The following NTM variants were observed in gnomAD, a reference collection of about 807,000 sequenced individuals.
NTM encodes IgLON family member 2.
Under a neutral mutation model 42.1 loss-of-function variants are expected in NTM, and 13 were observed. The observed-to-expected ratio is 0.31, with a 90% CI of 0.20 to 0.49. NTM has a LOEUF of 0.49. Ranked by LOEUF, NTM falls within the 20% of genes least tolerant of loss-of-function variation. The pLI is 0.99. For missense variants in NTM, 373 were observed against 452.8 expected, an observed-to-expected ratio of 0.82 and a Z score of 1.60; for synonymous variants, 187 against 179.2, an observed-to-expected ratio of 1.04 and a Z score of -0.35.
At chr11:131,897,850 A>G (rs2052551685) in intron 1 of NTM, among the ~76,000 whole-genome samples, 1 of 152,226 alleles carries the variant, frequency 6.6e-6, no homozygotes, top group African/African-American at 2.4e-5. Context: ...AAAGATATTA[A>G]AGGTTAACAG....
intron 2 of NTM, among the ~76,000 whole-genome samples, chr11:132,124,759 C>T (rs4936154): frequency 0.59 from 90,308 of 152,084 alleles, 27,103 homozygotes; most frequent in African/African-American, 0.63. Context: ...GGAGGATTGC[C>T]TGAGTCCAGG....
At chr11:132,080,636 G>A (rs1594444991) in intron 2 of NTM, among the ~76,000 whole-genome samples, 1 of 152,184 alleles carries the variant, frequency 6.6e-6, no homozygotes, top group East Asian at 1.9e-4. Flanking sequence ...GCTCTGGGAA[G>A]CCCTTTAAGC....
At chr11:131,419,949 T>G (rs894597275) in intron 1 of NTM, among the ~76,000 whole-genome samples, 3 of 152,156 alleles carry the variant, frequency 2.0e-5, no homozygotes, top group African/African-American at 7.2e-5. Context: ...AGGATTCTGC[T>G]AGGCAGCCAT....
intron 3 of NTM, among the ~76,000 whole-genome samples, chr11:132,158,787 C>A (rs946272318): frequency 2.6e-5 from 4 of 152,172 alleles, no homozygotes; most frequent in Non-Finnish European, 5.9e-5. Flanking sequence ...AGGTGACATT[C>A]AGCTGAGTTT....
chr11:131,374,677 G>A (rs1391050521), intron 1 of NTM, among the ~76,000 whole-genome samples: 1 of 152,152 alleles, frequency 6.6e-6, no homozygotes. Flanking sequence ...CGTACTGTCT[G>A]CCAGGCTGAT....
chr11:131,832,197 A>G (rs1313444944), intron 1 of NTM, among the ~76,000 whole-genome samples: 4 of 151,838 alleles, frequency 2.6e-5, no homozygotes, highest in South Asian at 2.1e-4. Context: ...GAGAAAAAAA[A>G]AAAAAACAGA....
chr11:131,980,655 G>A (rs774318930), intron 2 of NTM, among the ~76,000 whole-genome samples: 3 of 152,166 alleles, frequency 2.0e-5, no homozygotes, highest in Non-Finnish European at 4.4e-5. Context: ...TCATTCATAA[G>A]CATTTATTGA....
At chr11:131,398,477 T>G (rs1944792708) in intron 1 of NTM, among the ~76,000 whole-genome samples, 1 of 152,200 alleles carries the variant, frequency 6.6e-6, no homozygotes, top group Admixed American at 6.5e-5. Context: ...ATATCTCATT[T>G]TTTTCTTTTA....
At chr11:131,715,306 G>C (rs2077576305) in intron 1 of NTM, among the ~76,000 whole-genome samples, 1 of 152,148 alleles carries the variant, frequency 6.6e-6, no homozygotes, top group Non-Finnish European at 1.5e-5. Flanking sequence ...CTTGTGTAAT[G>C]AGTCCAGCAA....
intron 1 of NTM, among the ~76,000 whole-genome samples, chr11:131,394,214 A>C (rs996787642): frequency 1.3e-5 from 2 of 152,100 alleles, no homozygotes; most frequent in Non-Finnish European, 2.9e-5. Context: ...TCCCAGCTTG[A>C]AGCTTCTTTC....
At chr11:132,239,877 GT>G (rs1224630103) in intron 4 of NTM, among the ~76,000 whole-genome samples, 2 of 152,174 alleles carry the variant, frequency 1.3e-5, no homozygotes, top group African/African-American at 4.8e-5. Context: ...CTACCAAACT[GT>G]TCCACTAGTG....
At chr11:132,230,461 C>G (rs2087286836) in intron 4 of NTM, among the ~76,000 whole-genome samples, 1 of 152,190 alleles carries the variant, frequency 6.6e-6, no homozygotes. Context: ...CTGGATGTGT[C>G]TGGCGGCATC....
chr11:131,867,818 G>C (rs983955588), intron 1 of NTM, among the ~76,000 whole-genome samples: 4 of 152,136 alleles, frequency 2.6e-5, no homozygotes, highest in Non-Finnish European at 5.9e-5. Flanking sequence ...ATGAGGACTT[G>C]GTTTACACAC....
chr11:132,223,508 C>T (rs552834359), intron 4 of NTM, among the ~76,000 whole-genome samples: 115 of 152,220 alleles, frequency 7.6e-4, no homozygotes, highest in South Asian at 2.9e-3. Flanking sequence ...CCAGCCGGCA[C>T]GCTCACAGAA....
chr11:131,638,167 C>T (rs1415994668), intron 1 of NTM, among the ~76,000 whole-genome samples: 1 of 152,090 alleles, frequency 6.6e-6, no homozygotes, highest in East Asian at 1.9e-4. Flanking sequence ...AAAAATGTAC[C>T]TTATTGATAA....
At chr11:131,738,255 G>A (rs1350901538) in intron 1 of NTM, among the ~76,000 whole-genome samples, 5 of 152,236 alleles carry the variant, frequency 3.3e-5, no homozygotes, top group Non-Finnish European at 7.3e-5. Context: ...GCTTGCCACA[G>A]TGTGGGGGTG....
intron 1 of NTM, among the ~76,000 whole-genome samples, chr11:131,834,832 G>C (rs1052400763): frequency 6.6e-6 from 1 of 151,702 alleles, no homozygotes; most frequent in Non-Finnish European, 1.5e-5. Flanking sequence ...CTGCTATACT[G>C]CCTCCCATTG....
chr11:131,432,839 C>CATTTTTTTTT lies in NTM; in HGVS notation c.82+61951_82+61952insATTTTTTTTT, dbSNP rs1565494793. Among the ~76,000 whole-genome samples the CATTTTTTTTT allele has an allele frequency of 7.0e-4, 48 of 68,698 alleles. 2 individuals carry two copies. The highest frequency in any genetic ancestry group is 1.1e-3 in the South Asian group (2 of 1,748). 45.1% of individuals were successfully genotyped at this position (68,698 alleles called of 152,430 possible). A position where few individuals can be genotyped will look rare whatever the true frequency, so the allele number is the denominator to read the frequency against. On this transcript the variant is annotated intron_variant, in intron 1 of 8. Transcript: ENST00000683400. ...CTACAAAAGATGAAGATTTAGCATT[C>CATTTTTTTTT]TTTTTTTTTTTTTTTTTTTTTTTTT...
Position 132,187,516 on chromosome 11 carries a change from T to C in NTM, c.401-24506T>C, listed in dbSNP as rs563130433. ...ATTAATGCATTCATTCCTAGCCAACTGAAGGATTCATTACAGTGCTCAGGC... is the reference window on the plus strand; with the variant it reads ...ATTAATGCATTCATTCCTAGCCAACCGAAGGATTCATTACAGTGCTCAGGC... On this transcript the variant is annotated intron_variant, in intron 3 of 8. Coordinates refer to ENST00000683400, the MANE Select transcript of NTM (RefSeq NM_001352005.2). 3.3e-5 allele frequency among the ~76,000 whole-genome samples: 5 copies of C among 152,298 alleles called. No individual in the cohort carries two copies. The South Asian group carries it at 1.0e-3, about 32-fold the overall frequency.
Sources: allele counts gnomAD v4.1 joint callset (sites outside exome capture counted in the v4.1 genomes callset), GRCh38; gene constraint gnomAD v4.1.1; transcripts MANE v1.5; gene names NCBI Gene and HGNC (gene_info 2026-07-23, HGNC 2026-07-21).